INPP5A: variants seen among roughly 807,000 people sequenced by gnomAD.
The protein encoded by INPP5A is 43 kDa inositol polyphosphate 5-phophatase.
In INPP5A, 14 loss-of-function variants were observed where a neutral mutation model predicts 65.2. The observed-to-expected ratio is 0.21, with a 90% confidence interval of 0.14 to 0.34. The LOEUF (loss-of-function observed/expected upper bound fraction) is 0.34, where lower values mean the gene tolerates loss of function less well. INPP5A is among the 10% of genes least tolerant of loss of function. The probability of loss-of-function intolerance (pLI) is 1.00; values close to 1 mark genes in which losing one functional copy is unlikely to be tolerated. For missense variants in INPP5A, 431 were observed against 545.6 expected (o/e 0.79, Z 2.09); for synonymous variants, 207 against 208.3 (o/e 0.99, Z 0.05).
intron 11 of INPP5A, among the ~76,000 whole-genome samples, chr10:132,756,779 C>T (rs1211672643): frequency 1.3e-5 from 2 of 152,224 alleles, no homozygotes; most frequent in Non-Finnish European, 1.5e-5. Context: ...GGCAGGTCCA[C>T]GGAGAAGAAG....
At chr10:132,624,826 G>T (rs1448689723) in intron 2 of INPP5A, among the ~76,000 whole-genome samples, 1 of 149,122 alleles carries the variant, frequency 6.7e-6, no homozygotes, top group African/African-American at 2.5e-5. Context: ...CCCCGCCCTG[G>T]CCTGCCCCAC....
intron 12 of INPP5A, 135 bp downstream of exon 12, chr10:132,765,981 A>C: frequency 1.5e-6 from 1 of 674,790 alleles, no homozygotes; most frequent in East Asian, 2.6e-5. Flanking sequence ...GTGTGCATCC[A>C]GAGTGTGTGT....
chr10:132,585,961 T>C (rs1047550947), intron 1 of INPP5A, among the ~76,000 whole-genome samples: 1 of 152,140 alleles, frequency 6.6e-6, no homozygotes, highest in African/African-American at 2.4e-5. Flanking sequence ...TCCCTCTGGG[T>C]CATTGTGAAG....
At chr10:132,768,647 G>A (rs1846897393) in intron 12 of INPP5A, among the ~76,000 whole-genome samples, 2 of 152,234 alleles carry the variant, frequency 1.3e-5, no homozygotes, top group Non-Finnish European at 2.9e-5. Context: ...CTCTGAGGCC[G>A]TGGGAAGGCG....
Position 132,676,091 on chromosome 10 carries a change from A to G in INPP5A, c.307-14301A>G, listed in dbSNP as rs576873999. Among the ~76,000 whole-genome samples the G allele has an allele frequency of 6.6e-6, 1 of 152,378 alleles. No individual in the cohort carries two copies. The highest frequency in any genetic ancestry group is 1.9e-4 in the East Asian group (1 of 5,194). ...TATAATCATTTATACGTAGAAAAAT[A>G]TAACAAATTTCATAATTAAAACTAG... On this transcript the variant is annotated intron_variant, in intron 4 of 15. Transcript: ENST00000368594. This position sits in a 1 kb window ranked among gnomAD's most constrained non-coding sequence, Gnocchi z 4.0.
intron 9 of INPP5A, among the ~76,000 whole-genome samples, chr10:132,729,065 T>G (rs1846036990): frequency 1.3e-5 from 2 of 149,446 alleles, no homozygotes; most frequent in Non-Finnish European, 2.9e-5. Context: ...GCGTGGCCGC[T>G]GTGGTCTCAG....
At chr10:132,560,630 C>T (rs775118852) in intron 1 of INPP5A, among the ~76,000 whole-genome samples, 2 of 152,186 alleles carry the variant, frequency 1.3e-5, no homozygotes, top group South Asian at 4.1e-4. Flanking sequence ...GACAGATTCT[C>T]GCTCTGTTGC....
At chr10:132,770,350 G>A (rs529437760) in intron 12 of INPP5A, among the ~76,000 whole-genome samples, 16 of 152,378 alleles carry the variant, frequency 1.1e-4, no homozygotes, top group Non-Finnish European at 2.4e-4. Flanking sequence ...GGGGCACTGC[G>A]TTTCCTCGCG....
chr10:132,719,242 T>A (rs1845811249), intron 8 of INPP5A, among the ~76,000 whole-genome samples: 1 of 149,510 alleles, frequency 6.7e-6, no homozygotes, highest in Non-Finnish European at 1.5e-5. Flanking sequence ...CTGTGGTACC[T>A]GGGTTCTGTC....
At chr10:132,608,004 A>G (rs2071882545) in intron 2 of INPP5A, 48 bp downstream of exon 2, 2 of 1,574,292 alleles carry the variant, frequency 1.3e-6, no homozygotes, top group East Asian at 2.2e-5. Context: ...CTTAGCCAAT[A>G]AGGTGCCTTT....
intron 1 of INPP5A, among the ~76,000 whole-genome samples, chr10:132,548,407 G>A (rs1284073458): frequency 2.0e-5 from 3 of 152,118 alleles, no homozygotes; most frequent in South Asian, 2.1e-4. Context: ...CCCGGGAGTC[G>A]ACTCTGCTTC....
In INPP5A at chr10:132,644,989, C is replaced by T. The variant is rs566496613; in HGVS notation, c.118-879C>T. Among the ~76,000 whole-genome samples the T allele has an allele frequency of 5.0e-4, 76 of 152,158 alleles. No individual in the cohort carries two copies. The highest frequency in any genetic ancestry group is 9.0e-4 in the Non-Finnish European group (61 of 68,004). Reference sequence around the variant, plus strand: ...GACCTGGAAGGAGGGGAGGCCATGTCGATACTGCATCCGCTCTCTGAATTC... The same window carrying T: ...GACCTGGAAGGAGGGGAGGCCATGTTGATACTGCATCCGCTCTCTGAATTC... On this transcript the variant is annotated intron_variant, in intron 2 of 15. Coordinates refer to ENST00000368594, the MANE Select transcript of INPP5A (RefSeq NM_005539.5). This position sits in a 1 kb window ranked among gnomAD's most constrained non-coding sequence, Gnocchi z 6.5.
chr10:132,598,225 C>T (rs1211519137), intron 1 of INPP5A, among the ~76,000 whole-genome samples: 2 of 152,322 alleles, frequency 1.3e-5, no homozygotes, highest in East Asian at 3.9e-4. Flanking sequence ...GAGATTACCT[C>T]CACCTTTTTA....
At chr10:132,776,787 TG>T (rs1374770631) in intron 12 of INPP5A, among the ~76,000 whole-genome samples, 13 of 151,282 alleles carry the variant, frequency 8.6e-5, no homozygotes, top group Non-Finnish European at 1.6e-4. Flanking sequence ...GGCCCGGAAG[TG>T]GGGGCTGTGC....
intron 1 of INPP5A, among the ~76,000 whole-genome samples, chr10:132,595,978 GA>G (rs2071681912): frequency 6.6e-6 from 1 of 152,056 alleles, no homozygotes; most frequent in Non-Finnish European, 1.5e-5. Context: ...GTGTTTAAGA[GA>G]AAAAGAAGGC....
intron 12 of INPP5A, among the ~76,000 whole-genome samples, chr10:132,769,810 C>A (rs375236503): frequency 4.0e-5 from 6 of 151,020 alleles, no homozygotes; most frequent in African/African-American, 1.2e-4. Context: ...TCCCCCCCCC[C>A]AAGTTCCTGA....
rs1232755310 is a variant in INPP5A, at chr10:132,676,568, CTG to C, written c.307-13819_307-13818del. Among the ~76,000 whole-genome samples the C allele has an allele frequency of 4.6e-5, 7 of 152,288 alleles. No individual in the cohort carries two copies. The East Asian group carries it at 1.4e-3, about 29-fold the overall frequency. ...TAATGGGCTGAACACAAGCAGGTGA[CTG>C]TGTGGGACAGGGCTGCCCAAACCGC... On this transcript the variant is annotated intron_variant, in intron 4 of 15. Transcript: ENST00000368594. This position sits in a 1 kb window ranked among gnomAD's most constrained non-coding sequence, Gnocchi z 4.0.
At chr10:132,579,463 A>G (rs1294341955) in intron 1 of INPP5A, among the ~76,000 whole-genome samples, 5 of 152,014 alleles carry the variant, frequency 3.3e-5, no homozygotes, top group African/African-American at 7.3e-5. Context: ...AGGGCAGGGA[A>G]GGGGCAGAGA....
chr10:132,742,762 T>C (rs571874032), intron 9 of INPP5A, among the ~76,000 whole-genome samples: 133 of 152,306 alleles, frequency 8.7e-4, no homozygotes, highest in African/African-American at 3.2e-3. Context: ...GGGCCCTTGG[T>C]AGTCAAGAAA....
Sources: allele counts gnomAD v4.1 joint callset (sites outside exome capture counted in the v4.1 genomes callset), GRCh38; gene constraint gnomAD v4.1.1; non-coding constraint Gnocchi (gnomAD v3.1); transcripts MANE v1.5; gene names NCBI Gene and HGNC (gene_info 2026-07-23, HGNC 2026-07-21).